SNRNP40: variants seen among roughly 807,000 people sequenced by gnomAD.
The protein encoded by SNRNP40 is small nuclear ribonucleoprotein U5 subunit 40, also known as U5 small nuclear ribonucleoprotein 40 kDa protein.
Under a neutral mutation model 45.8 loss-of-function variants are expected in SNRNP40, and 21 were observed. That is an observed-to-expected ratio of 0.46 (90% CI 0.32 to 0.66). The LOEUF (loss-of-function observed/expected upper bound fraction) is 0.66, where lower values mean the gene tolerates loss of function less well. Ranked by LOEUF, SNRNP40 falls within the 30% of genes least tolerant of loss-of-function variation. The probability of loss-of-function intolerance (pLI) is 0.03; values close to 1 mark genes in which losing one functional copy is unlikely to be tolerated. For synonymous variants in SNRNP40, 142 were observed against 163.8 expected (o/e 0.87, Z 1.01); for missense variants, 344 against 439.1 (o/e 0.78, Z 1.94).
At chr1:31,294,610 C>A (rs1481356763) in intron 1 of SNRNP40, among the ~76,000 whole-genome samples, 1 of 151,930 alleles carries the variant, frequency 6.6e-6, no homozygotes, top group Non-Finnish European at 1.5e-5. Context: ...CAGGCACCCA[C>A]CACCAAGCCC....
At chr1:31,278,844 G>A (rs766844261) in intron 5 of SNRNP40, among the ~76,000 whole-genome samples, 2 of 152,134 alleles carry the variant, frequency 1.3e-5, no homozygotes, top group Non-Finnish European at 2.9e-5. Flanking sequence ...CTTGGGGAAT[G>A]TACACAGCGA....
intron 8 of SNRNP40, among the ~76,000 whole-genome samples, chr1:31,262,717 T>C (rs770439181): frequency 5.5e-4 from 83 of 151,984 alleles, no homozygotes; most frequent in Non-Finnish European, 1.0e-3. Flanking sequence ...AATTTTTATT[T>C]GTCATTAAAA....
chr1:31,262,030 TG>T (rs1417062335), intron 8 of SNRNP40, among the ~76,000 whole-genome samples: 1 of 152,132 alleles, frequency 6.6e-6, no homozygotes, highest in Non-Finnish European at 1.5e-5. Context: ...CATGGCAGGG[TG>T]GGAGCCTAGG....
intron 6 of SNRNP40, 131 bp from the exon 7 acceptor site, chr1:31,269,371 T>C (rs1489326886): frequency 2.0e-6 from 3 of 1,493,230 alleles, no homozygotes; most frequent in Admixed American, 5.1e-5. Context: ...AAAGTCCAAC[T>C]TGACATACTG....
intron 4 of SNRNP40, among the ~76,000 whole-genome samples, chr1:31,288,000 C>CA (rs1646072863): frequency 6.7e-6 from 1 of 148,980 alleles, no homozygotes; most frequent in Non-Finnish European, 1.5e-5. Flanking sequence ...CCATCTCTAC[C>CA]AAAAATAGAA....
At chr1:31,278,549 T>A (rs1010384129) in intron 5 of SNRNP40, among the ~76,000 whole-genome samples, 1 of 152,258 alleles carries the variant, frequency 6.6e-6, no homozygotes, top group Non-Finnish European at 1.5e-5. Context: ...CTAGTGATTC[T>A]GACGCCAGTG....
chr1:31,267,605 G>A (rs532807739), intron 8 of SNRNP40, among the ~76,000 whole-genome samples: 1 of 152,114 alleles, frequency 6.6e-6, no homozygotes, highest in East Asian at 1.9e-4. Flanking sequence ...GCGTGATCTC[G>A]GCTCACCGCA....
intron 8 of SNRNP40, chr1:31,261,911 G>C (rs1235522759): frequency 8.1e-6 from 2 of 247,256 alleles, no homozygotes; most frequent in African/African-American, 2.3e-5. Flanking sequence ...GGGAAGAAAA[G>C]AAAGTTTTTC....
chr1:31,278,294 A>T lies in SNRNP40; in HGVS notation c.654+3080T>A, dbSNP rs867703991. On this transcript the variant is annotated intron_variant, in intron 5 of 9. Transcript: ENST00000263694. Reference sequence around the variant, plus strand: ...GCCCAAAGTAAGCCATACTATTGACAGTAAGTAGACTTTACTAGCACAAGA... The same window carrying T: ...GCCCAAAGTAAGCCATACTATTGACTGTAAGTAGACTTTACTAGCACAAGA... 1.1e-4 allele frequency among the ~76,000 whole-genome samples: 16 copies of T among 152,244 alleles called. 1 individual carries two copies. The highest frequency in any genetic ancestry group is 3.6e-4 in the African/African-American group (15 of 41,466).
At position 31,269,140 on chromosome 1, in the gene SNRNP40, C is replaced by A; in HGVS notation, c.858+18G>T. The A allele has an allele frequency of 6.4e-7, 1 of 1,569,392 alleles. No individual in the cohort carries two copies. ...GAAGTAAATGAACAGTAAAACTCCT[C>A]TGCCATGCAGAACTCACCTTTTCAA... On this transcript the variant is annotated intron_variant, in intron 7 of 9. Coordinates refer to ENST00000263694, the MANE Select transcript of SNRNP40 (RefSeq NM_004814.3).
intron 4 of SNRNP40, among the ~76,000 whole-genome samples, chr1:31,283,131 A>G: frequency 6.6e-6 from 1 of 152,202 alleles, no homozygotes; most frequent in East Asian, 1.9e-4. Flanking sequence ...AAGGAGTTGA[A>G]GGCAGGCTCC....
intron 8 of SNRNP40, among the ~76,000 whole-genome samples, chr1:31,267,409 G>A (rs755006114): frequency 2.6e-5 from 4 of 152,154 alleles, no homozygotes; most frequent in African/African-American, 7.2e-5. Context: ...TGTCGAACAC[G>A]GTTTTGAAAC....
chr1:31,288,558 A>G (rs1296827865), intron 4 of SNRNP40, among the ~76,000 whole-genome samples: 10 of 152,176 alleles, frequency 6.6e-5, no homozygotes, highest in African/African-American at 2.4e-4. Context: ...ATGATGATAT[A>G]AAGATAGGCT....
At chr1:31,284,086 G>A (rs1646038562) in intron 4 of SNRNP40, among the ~76,000 whole-genome samples, 1 of 152,110 alleles carries the variant, frequency 6.6e-6, no homozygotes, top group African/African-American at 2.4e-5. Context: ...AGTTGGGTGT[G>A]GTGGTATATG....
chr1:31,267,834 C>G, intron 8 of SNRNP40, 37 bp downstream of exon 8: 2 of 1,550,224 alleles, frequency 1.3e-6, no homozygotes, highest in Non-Finnish European at 1.8e-6. Flanking sequence ...ATCCGGCCAG[C>G]TACATCATTC....
chr1:31,277,757 C>T (rs1004743064), intron 5 of SNRNP40, among the ~76,000 whole-genome samples: 1 of 152,150 alleles, frequency 6.6e-6, no homozygotes, highest in Non-Finnish European at 1.5e-5. Flanking sequence ...TGCAGTGGCA[C>T]GATCTTGGCT....
chr1:31,265,819 G>A lies in SNRNP40; in HGVS notation c.920+2052C>T, dbSNP rs1190358495. On this transcript the variant is annotated intron_variant, in intron 8 of 9. Coordinates refer to ENST00000263694, the MANE Select transcript of SNRNP40 (RefSeq NM_004814.3). ...TGCACCACTGCACTCCAGCCTGGGC[G>A]ACAGAGTGAGACTACATCTCAAAAA... Among the ~76,000 whole-genome samples the A allele has an allele frequency of 2.0e-5, 3 of 150,244 alleles. No individual in the cohort carries two copies. The East Asian group carries it at 5.8e-4, about 29-fold the overall frequency.
At chr1:31,269,376 A>C in intron 6 of SNRNP40, 136 bp from the exon 7 acceptor site, 1 of 1,485,394 alleles carries the variant, frequency 6.7e-7, no homozygotes, top group Admixed American at 2.6e-5. Flanking sequence ...CCAACTTGAC[A>C]TACTGCTACC....
At chr1:31,264,309 T>C (rs1013365817) in intron 8 of SNRNP40, among the ~76,000 whole-genome samples, 11 of 152,328 alleles carry the variant, frequency 7.2e-5, no homozygotes, top group African/African-American at 2.2e-4. Context: ...CTAGACTCCA[T>C]GGCTCTGATA....
Sources: allele counts gnomAD v4.1 joint callset (sites outside exome capture counted in the v4.1 genomes callset), GRCh38; gene constraint gnomAD v4.1.1; transcripts MANE v1.5; gene names NCBI Gene and HGNC (gene_info 2026-07-23, HGNC 2026-07-21).